The following CTNNA3 variants were observed in gnomAD, a reference collection of about 807,000 sequenced individuals.
CTNNA3 encodes the protein catenin alpha-3.
Under a neutral mutation model 95.7 loss-of-function variants are expected in CTNNA3, and 76 were observed. The observed-to-expected ratio is 0.79, with a 90% confidence interval of 0.66 to 0.96. CTNNA3 has a LOEUF of 0.96. CTNNA3 is among the 40% of genes least tolerant of loss of function. The probability of loss-of-function intolerance (pLI) is 0.00; values close to 1 mark genes in which losing one functional copy is unlikely to be tolerated. For synonymous variants in CTNNA3, 431 were observed against 374.4 expected, an observed-to-expected ratio of 1.15 and a Z score of -1.74; for missense variants, 1,191 against 1,089.8, an observed-to-expected ratio of 1.09 and a Z score of -1.31.
intron 3 of CTNNA3, among the ~76,000 whole-genome samples, chr10:67,604,384 G>T (rs763868067): frequency 6.6e-6 from 1 of 152,128 alleles, no homozygotes; most frequent in Non-Finnish European, 1.5e-5. Context: ...TGGGAGGTAG[G>T]TTTAAAAGTT....
intron 6 of CTNNA3, among the ~76,000 whole-genome samples, chr10:67,218,495 C>T (rs768481981): frequency 8.5e-5 from 13 of 152,138 alleles, no homozygotes; most frequent in South Asian, 2.1e-4. Flanking sequence ...CTAGGCTTTG[C>T]GGGTCTAGCT....
chr10:67,079,081 A>G (rs1856896814), intron 7 of CTNNA3, among the ~76,000 whole-genome samples: 1 of 152,186 alleles, frequency 6.6e-6, no homozygotes, highest in Non-Finnish European at 1.5e-5. Flanking sequence ...AATAATTCAT[A>G]ATATCTGGGA....
At chr10:66,209,925 C>T (rs2088024495) in intron 13 of CTNNA3, among the ~76,000 whole-genome samples, 2 of 151,876 alleles carry the variant, frequency 1.3e-5, no homozygotes, top group African/African-American at 4.8e-5. Context: ...GTAAGAGAGA[C>T]AGAGATAGAG....
intron 13 of CTNNA3, among the ~76,000 whole-genome samples, chr10:66,188,089 A>C (rs2131875395): frequency 6.6e-6 from 1 of 152,278 alleles, no homozygotes; most frequent in Admixed American, 6.5e-5. Context: ...ACTATCACTA[A>C]GCTTGAAAAT....
intron 10 of CTNNA3, among the ~76,000 whole-genome samples, chr10:66,557,618 T>C (rs540788848): frequency 6.6e-6 from 1 of 152,206 alleles, no homozygotes; most frequent in East Asian, 1.9e-4. Flanking sequence ...ATCTGATTGA[T>C]CACAATGTCT....
chr10:66,715,947 CA>C (rs1016981612), intron 9 of CTNNA3, among the ~76,000 whole-genome samples: 1 of 151,420 alleles, frequency 6.6e-6, no homozygotes, highest in Non-Finnish European at 1.5e-5. Flanking sequence ...CTTAAATATT[CA>C]AATTATCTAT....
intron 5 of CTNNA3, among the ~76,000 whole-genome samples, chr10:67,314,611 G>A (rs188985647): frequency 6.6e-6 from 1 of 152,198 alleles, no homozygotes; most frequent in Non-Finnish European, 1.5e-5. Context: ...TACTCAACAA[G>A]AGTAAAATGT....
intron 16 of CTNNA3, among the ~76,000 whole-genome samples, chr10:65,984,010 A>G (rs2133310907): frequency 6.6e-6 from 1 of 151,430 alleles, no homozygotes; most frequent in African/African-American, 2.4e-5. Flanking sequence ...GTCTAATAAT[A>G]TATGTAATAG....
intron 17 of CTNNA3, among the ~76,000 whole-genome samples, chr10:65,954,196 G>C (rs1234178502): frequency 2.0e-5 from 3 of 152,196 alleles, no homozygotes; most frequent in Admixed American, 2.0e-4. Flanking sequence ...TTTGAGAAAT[G>C]TCTGTTCATA....
chr10:67,449,646 T>C (rs895430480), intron 5 of CTNNA3, among the ~76,000 whole-genome samples: 2 of 152,248 alleles, frequency 1.3e-5, no homozygotes, highest in Admixed American at 1.3e-4. Flanking sequence ...TTACACCATA[T>C]ACAAAAATCA....
intron 7 of CTNNA3, among the ~76,000 whole-genome samples, chr10:66,876,938 T>C (rs1844648276): frequency 6.6e-6 from 1 of 152,144 alleles, no homozygotes; most frequent in Non-Finnish European, 1.5e-5. Context: ...CAGTTTTGTT[T>C]ATTTTGTTCT....
At chr10:67,146,058 T>C (rs890375070) in intron 7 of CTNNA3, among the ~76,000 whole-genome samples, 2 of 152,072 alleles carry the variant, frequency 1.3e-5, no homozygotes, top group Non-Finnish European at 2.9e-5. Context: ...TATGGATCCA[T>C]GTACTGCACC....
At chr10:67,559,212 C>A (rs1244646570) in intron 3 of CTNNA3, among the ~76,000 whole-genome samples, 2 of 152,140 alleles carry the variant, frequency 1.3e-5, no homozygotes, top group African/African-American at 4.8e-5. Context: ...CTCCTCACCC[C>A]CGAGCAGCCT....
At chr10:67,670,377 CA>C (rs1840408478) in intron 1 of CTNNA3, among the ~76,000 whole-genome samples, 1 of 152,098 alleles carries the variant, frequency 6.6e-6, no homozygotes, top group Non-Finnish European at 1.5e-5. Flanking sequence ...AATATATGTA[CA>C]AAAACAAAAT....
intron 7 of CTNNA3, among the ~76,000 whole-genome samples, chr10:66,914,188 T>G (rs1846367755): frequency 6.9e-6 from 1 of 145,448 alleles, no homozygotes; most frequent in Non-Finnish European, 1.5e-5. Context: ...TGGAGTGCAG[T>G]GGCACGATCT....
chr10:66,084,293 C>T (rs2080894521), intron 14 of CTNNA3, among the ~76,000 whole-genome samples: 1 of 151,910 alleles, frequency 6.6e-6, no homozygotes, highest in African/African-American at 2.4e-5. Flanking sequence ...ACTTAAAGCA[C>T]CACAAAATAT....
In CTNNA3 at chr10:66,334,014, G is replaced by A. The variant is rs184987833; in HGVS notation, c.1732+45138C>T. Among the ~76,000 whole-genome samples, 1,098 of 151,990 alleles carry A rather than the reference G, an allele frequency of 7.2e-3. 18 individuals carry two copies. Among genetic ancestry groups the A allele is most frequent in the African/African-American group, 0.025 (1,018 of 41,466 alleles). ...GTCTTTATCTCTTTTGATCTTTGTC[G>A]GTTTAAAGTCTGTTTTATCAGAGAC... On this transcript the variant is annotated intron_variant, in intron 12 of 17. Transcript: ENST00000433211.
At chr10:67,604,622 A>G (rs1843203528) in intron 3 of CTNNA3, among the ~76,000 whole-genome samples, 1 of 152,224 alleles carries the variant, frequency 6.6e-6, no homozygotes, top group Admixed American at 6.5e-5. Context: ...AACCTGACTG[A>G]TAAAAGAATC....
intron 2 of CTNNA3, among the ~76,000 whole-genome samples, chr10:67,619,770 C>T (rs78916678): frequency 1.3e-5 from 2 of 152,180 alleles, no homozygotes; most frequent in East Asian, 1.9e-4. Flanking sequence ...CACAGAAAGC[C>T]GAGGAATTTT....
Sources: allele counts gnomAD v4.1 joint callset (sites outside exome capture counted in the v4.1 genomes callset), GRCh38; gene constraint gnomAD v4.1.1; transcripts MANE v1.5; gene names NCBI Gene and HGNC (gene_info 2026-07-23, HGNC 2026-07-21).